The following MATCAP1 variants were observed in gnomAD, a reference collection of about 807,000 sequenced individuals.
The protein encoded by MATCAP1 is microtubule associated tyrosine carboxypeptidase 1.
the MATCAP1 span, chr16:67,179,224 G>T: frequency 7.1e-7 from 1 of 1,405,898 alleles, no homozygotes; most frequent in Non-Finnish European, 9.2e-7. This position sits in a 1 kb window ranked among gnomAD's most constrained non-coding sequence, Gnocchi z 5.2. Context: ...AGAGATGAGA[G>T]CGAGCCCAGA....
the MATCAP1 span, chr16:67,176,041 C>T: frequency 6.9e-6 from 1 of 144,506 alleles, no homozygotes; most frequent in East Asian, 2.0e-4. This position sits in a 1 kb window ranked among gnomAD's most constrained non-coding sequence, Gnocchi z 4.3. Flanking sequence ...GCTTGACTCT[C>T]AAGGCCTGAA....
the MATCAP1 span, chr16:67,179,567 A>G: frequency 6.2e-6 from 10 of 1,611,510 alleles, 1 homozygote; most frequent in Non-Finnish European, 7.6e-6. This position sits in a 1 kb window ranked among gnomAD's most constrained non-coding sequence, Gnocchi z 5.2. Flanking sequence ...CACAACCTGC[A>G]GGTGGCAGTG....
the MATCAP1 span, chr16:67,178,569 C>A: frequency 2.2e-6 from 3 of 1,392,876 alleles, no homozygotes; most frequent in Non-Finnish European, 2.9e-6. Context: ...GCGAGCCCAG[C>A]CCTGGCCCTG....
the MATCAP1 span, chr16:67,178,371 G>A: frequency 6.4e-7 from 1 of 1,561,650 alleles, no homozygotes; most frequent in Non-Finnish European, 8.7e-7. Context: ...ACGGCTGCTT[G>A]CGGAACAGCA....
chr16:67,177,975 C>G, the MATCAP1 span: 1 of 1,568,502 alleles, frequency 6.4e-7, no homozygotes, highest in East Asian at 2.2e-5. Context: ...AGGCAGGGAG[C>G]TGGCTGGGAC....
chr16:67,181,253 T>G, the MATCAP1 span, among the ~76,000 whole-genome samples: 2 of 152,238 alleles, frequency 1.3e-5, no homozygotes, highest in Non-Finnish European at 2.9e-5. Flanking sequence ...GTGCCACCCC[T>G]GCCCATCCAC....
chr16:67,178,567 A>G, the MATCAP1 span: 1 of 1,398,942 alleles, frequency 7.1e-7, no homozygotes, highest in Non-Finnish European at 9.7e-7. Flanking sequence ...CTGCGAGCCC[A>G]GCCCTGGCCC....
At chr16:67,180,433 G>A in the MATCAP1 span, 17 of 1,611,828 alleles carry the variant, frequency 1.1e-5, no homozygotes, top group Non-Finnish European at 1.4e-5. Context: ...TGCTCAGGCT[G>A]GGGCTGCAGC....
At chr16:67,183,959 C>T in the MATCAP1 span, 1 of 202,152 alleles carries the variant, frequency 4.9e-6, no homozygotes, top group Non-Finnish European at 1.0e-5. Context: ...TCGCCGATGA[C>T]GTACGTCCTC....
At chr16:67,177,898 AC>A in the MATCAP1 span, 1 of 892,492 alleles carries the variant, frequency 1.1e-6, no homozygotes, top group South Asian at 1.5e-5. Context: ...GCTCCCCCCT[AC>A]CACCACAGGC....
chr16:67,178,356 C>G, the MATCAP1 span: 1 of 1,571,786 alleles, frequency 6.4e-7, no homozygotes, highest in South Asian at 1.2e-5. Context: ...CAGCGCGCCA[C>G]AGGAACGGCT....
At chr16:67,179,048 C>T in the MATCAP1 span, 12 of 1,122,158 alleles carry the variant, frequency 1.1e-5, no homozygotes, top group Non-Finnish European at 1.3e-5. The surrounding 1 kb of genome is among the most constrained non-coding windows in gnomAD (Gnocchi z 5.2). Context: ...CAAGTCCATT[C>T]CCAGGACCTG....
At chr16:67,177,043 C>T in the MATCAP1 span, 4 of 1,383,680 alleles carry the variant, frequency 2.9e-6, no homozygotes, top group African/African-American at 4.5e-5. Context: ...GGTCCCAGCC[C>T]ACTGCTTACA....
At chr16:67,178,605 C>A in the MATCAP1 span, 1 of 1,035,070 alleles carries the variant, frequency 9.7e-7, no homozygotes, top group Non-Finnish European at 1.4e-6. Flanking sequence ...GCTCTGGCCG[C>A]GACACTTCCA....
chr16:67,176,119 G>GTA, the MATCAP1 span: 1 of 121,882 alleles, frequency 8.2e-6, no homozygotes, highest in African/African-American at 3.2e-5. This position sits in a 1 kb window ranked among gnomAD's most constrained non-coding sequence, Gnocchi z 4.3. Context: ...GTGTGTGTGT[G>GTA]TAATGGGAGT....
chr16:67,180,675 A>G, the MATCAP1 span: 2 of 1,233,754 alleles, frequency 1.6e-6, no homozygotes, highest in South Asian at 1.6e-5. Context: ...CTCTGGGGAC[A>G]CAGAAGGGCA....
chr16:67,177,375 G>A, the MATCAP1 span, among the ~76,000 whole-genome samples: 10 of 152,174 alleles, frequency 6.6e-5, no homozygotes, highest in Admixed American at 5.9e-4. Flanking sequence ...ATTCCCGGGA[G>A]GGGGCTTGGA....
At chr16:67,179,103 G>GGGA in the MATCAP1 span, 3 of 1,187,618 alleles carry the variant, frequency 2.5e-6, no homozygotes, top group Non-Finnish European at 3.1e-6. The surrounding 1 kb of genome is among the most constrained non-coding windows in gnomAD (Gnocchi z 5.2). Context: ...CTGGCCTGGT[G>GGGA]GGACCCTGAG....
At chr16:67,179,373 C>T in the MATCAP1 span, 2 of 1,549,282 alleles carry the variant, frequency 1.3e-6, no homozygotes, top group South Asian at 2.4e-5. This position sits in a 1 kb window ranked among gnomAD's most constrained non-coding sequence, Gnocchi z 5.2. Flanking sequence ...TCCCACCCCT[C>T]CCAGCTCCCA....
Sources: gnomAD v4.1 joint callset for allele counts (sites outside exome capture counted in the v4.1 genomes callset) on GRCh38, gnomAD v4.1.1 for gene constraint, Gnocchi (gnomAD v3.1) non-coding constraint, MANE v1.5 for transcripts, NCBI Gene and HGNC (gene_info 2026-07-23, HGNC 2026-07-21) for gene names.